Variants in SVOPL observed in about 807,000 individuals in gnomAD.
SVOPL encodes putative transporter SVOPL.
In SVOPL, 60 loss-of-function variants were observed where a neutral mutation model predicts 61.0. The ratio of observed to expected loss-of-function variants is 0.98; its 90% confidence interval spans 0.80 to 1.22. The LOEUF is 1.22. Ranked by LOEUF, SVOPL falls within the 50% of genes most tolerant of loss-of-function variation. The pLI is 0.00. For missense variants in SVOPL, 662 were observed against 643.9 expected (o/e 1.03, Z -0.30); for synonymous variants, 279 against 250.0 (o/e 1.12, Z -1.09).
At chr7:138,623,768 G>A (rs772702092) in intron 13 of SVOPL, among the ~76,000 whole-genome samples, 4 of 152,006 alleles carry the variant, frequency 2.6e-5, no homozygotes, top group South Asian at 2.1e-4. Flanking sequence ...ATTTGTTTTT[G>A]TTTTTAATTA....
At chr7:138,678,298 C>G in intron 3 of SVOPL, 136 bp downstream of exon 3, 1 of 812,066 alleles carries the variant, frequency 1.2e-6, no homozygotes, top group Non-Finnish European at 1.9e-6. Context: ...GCCCCATCCA[C>G]CTTGGGCACA....
At chr7:138,622,238 C>CTATCTATCTATCTATG (rs1256455370) in intron 13 of SVOPL, among the ~76,000 whole-genome samples, 8 of 58,544 alleles carry the variant, frequency 1.4e-4, no homozygotes, top group African/African-American at 4.3e-4. Context: ...ATCTATGTAT[C>CTATCTATCTATCTATG]TATCTATCTA....
intron 3 of SVOPL, among the ~76,000 whole-genome samples, chr7:138,676,081 C>T (rs1008463063): frequency 1.3e-5 from 2 of 152,210 alleles, no homozygotes; most frequent in African/African-American, 2.4e-5. Flanking sequence ...GGTGATCCAC[C>T]GGCCTTGACC....
chr7:138,630,719 G>T (rs1208786533), intron 9 of SVOPL, among the ~76,000 whole-genome samples: 1 of 152,120 alleles, frequency 6.6e-6, no homozygotes, highest in Admixed American at 6.5e-5. Flanking sequence ...GAGGTGGGCG[G>T]ATCACCTGAG....
intron 9 of SVOPL, among the ~76,000 whole-genome samples, chr7:138,638,712 C>A (rs536249120): frequency 6.6e-6 from 1 of 152,090 alleles, no homozygotes; most frequent in East Asian, 1.9e-4. Context: ...AAAGAAAAAA[C>A]CAGTTACCAG....
chr7:138,672,656 T>TTTAAAAAAA (rs35924408), intron 3 of SVOPL, among the ~76,000 whole-genome samples: 240 of 118,814 alleles, frequency 2.0e-3, no homozygotes, highest in African/African-American at 2.7e-3. Flanking sequence ...TTTTTGTGTT[T>TTTAAAAAAA]AAAAAAAAAA....
intron 6 of SVOPL, among the ~76,000 whole-genome samples, chr7:138,658,965 G>C (rs934428057): frequency 7.3e-6 from 1 of 137,928 alleles, no homozygotes; most frequent in Non-Finnish European, 1.5e-5. Flanking sequence ...TAACCTGAAA[G>C]ACTGGTTCAG....
chr7:138,621,729 T>C (rs568898715), intron 13 of SVOPL, among the ~76,000 whole-genome samples: 2 of 152,320 alleles, frequency 1.3e-5, no homozygotes, highest in South Asian at 4.1e-4. Flanking sequence ...GGCCCCTGTG[T>C]TCTTGTTAAA....
intron 7 of SVOPL, among the ~76,000 whole-genome samples, chr7:138,649,450 C>G (rs534316483): frequency 1.4e-4 from 21 of 152,080 alleles, no homozygotes; most frequent in African/African-American, 4.8e-4. Context: ...TGTGCCACCA[C>G]GCCCAGCTCA....
intron 13 of SVOPL, among the ~76,000 whole-genome samples, chr7:138,621,990 GTATCTATC>G (rs1248293574): frequency 9.5e-5 from 1 of 10,556 alleles, no homozygotes; most frequent in Non-Finnish European, 1.9e-4. Flanking sequence ...ATCTATCTAT[GTATCTATC>G]TATCTATGTA....
intron 14 of SVOPL, among the ~76,000 whole-genome samples, chr7:138,598,707 A>C (rs1041406302): frequency 6.6e-6 from 1 of 152,238 alleles, no homozygotes; most frequent in African/African-American, 2.4e-5. Context: ...AAGAAGTCTC[A>C]AGAAAAATTA....
At chr7:138,597,259 C>T (rs1344218452) in intron 14 of SVOPL, 1 of 1,274,940 alleles carries the variant, frequency 7.8e-7, no homozygotes, top group South Asian at 1.3e-5. Flanking sequence ...TCTAGAATCA[C>T]AGAATAATGT....
At chr7:138,594,924 A>G (rs1443662281) in intron 15 of SVOPL, among the ~76,000 whole-genome samples, 1 of 150,838 alleles carries the variant, frequency 6.6e-6, no homozygotes, top group Admixed American at 6.6e-5. Context: ...GTATATATAT[A>G]ACTTTTTTTT....
chr7:138,677,902 AC>A (rs1207336477), intron 3 of SVOPL, among the ~76,000 whole-genome samples: 1 of 151,924 alleles, frequency 6.6e-6, no homozygotes, highest in Non-Finnish European at 1.5e-5. Flanking sequence ...AGCTGGGATT[AC>A]AGGCACCAGC....
rs1344615181 is a variant in SVOPL at position 138,644,644 on chromosome 7, C to CA, written c.789+72dup. The CA allele has an allele frequency of 5.7e-6, 9 of 1,566,864 alleles. No individual in the cohort carries two copies. In the East Asian group the frequency reaches 2.0e-4, roughly 36 times the overall value. ...AGAGAACAAGGGTCCCCCCTCCCTC[C>CA]AGCCTTCCACAACTGAGGGGATTTC... is the stretch of plus-strand genomic sequence containing the variant. On this transcript the variant is annotated intron_variant, in intron 9 of 15. Coordinates refer to ENST00000674285, the MANE Select transcript of SVOPL (RefSeq NM_001139456.2).
intron 4 of SVOPL, among the ~76,000 whole-genome samples, chr7:138,666,168 C>T (rs182715586): frequency 1.8e-4 from 28 of 152,354 alleles, no homozygotes; most frequent in African/African-American, 5.3e-4. Context: ...CTTTAAAAAA[C>T]TCTCGACTTT....
intron 14 of SVOPL, among the ~76,000 whole-genome samples, chr7:138,600,304 C>T (rs909399636): frequency 1.3e-5 from 2 of 152,170 alleles, no homozygotes; most frequent in African/African-American, 4.8e-5. Flanking sequence ...GGTTTAAAAA[C>T]TTGCTATCCC....
At chr7:138,655,825 G>C (rs1801703362) in intron 7 of SVOPL, among the ~76,000 whole-genome samples, 1 of 151,940 alleles carries the variant, frequency 6.6e-6, no homozygotes, top group Non-Finnish European at 1.5e-5. Flanking sequence ...ATCTACTCCT[G>C]GTGAAGAAGC....
At chr7:138,611,484 G>A (rs1414287552) in intron 14 of SVOPL, among the ~76,000 whole-genome samples, 1 of 152,126 alleles carries the variant, frequency 6.6e-6, no homozygotes, top group Non-Finnish European at 1.5e-5. Flanking sequence ...CTTTGACAAC[G>A]TACAGTTTCT....
Sources: allele counts gnomAD v4.1 joint callset (sites outside exome capture counted in the v4.1 genomes callset), GRCh38; gene constraint gnomAD v4.1.1; transcripts MANE v1.5; gene names NCBI Gene and HGNC (gene_info 2026-07-23, HGNC 2026-07-21).